CYFIP2: variants seen among roughly 807,000 people sequenced by gnomAD.
The protein encoded by CYFIP2 is cytoplasmic FMR1-interacting protein 2.
CYFIP2 carries 29 observed loss-of-function variants against 158.7 expected under a neutral mutation model. The ratio of observed to expected loss-of-function variants is 0.18; its 90% CI spans 0.14 to 0.25. The LOEUF (loss-of-function observed/expected upper bound fraction) is 0.25. Among genes scored for constraint, CYFIP2 ranks in the 10% least tolerant of loss-of-function variants. The pLI is 1.00. For missense variants in CYFIP2, 852 were observed against 1,639.5 expected (o/e 0.52, Z 8.29); for synonymous variants, 585 against 617.6 (o/e 0.95, Z 0.78).
Position 157,309,803 on chromosome 5 carries a change from A to C in CYFIP2, c.961A>C (p.Thr321Pro). The C allele has an allele frequency of 6.2e-7, 1 of 1,604,206 alleles. No homozygotes were observed. The highest frequency in any genetic ancestry group is 2.2e-5 in the East Asian group (1 of 44,490). ...GATAGAGCTGGCCAGATACATTAAGACCAGTGCTCACTATGAAGAGAACAA... is the reference window on the plus strand; with the variant it reads ...GATAGAGCTGGCCAGATACATTAAGCCCAGTGCTCACTATGAAGAGAACAA... ...MQIELARYIK[T>P]SAHYEENKSK... The change falls in exon 10 of 31, where the codon ACC (threonine) becomes CCC (proline). Residue 321 changes from threonine to proline, a missense_variant. Coordinates refer to ENST00000620254, the MANE Select transcript of CYFIP2 (RefSeq NM_001037333.3).
chr5:157,335,273 T>C (rs1260300452), intron 21 of CYFIP2, among the ~76,000 whole-genome samples: 1 of 152,116 alleles, frequency 6.6e-6, no homozygotes, highest in Non-Finnish European at 1.5e-5. Flanking sequence ...TTTTGTTTGT[T>C]TGTTTTTGTT....
At chr5:157,317,164 C>T (rs1581045236) in intron 13 of CYFIP2, among the ~76,000 whole-genome samples, 2 of 152,098 alleles carry the variant, frequency 1.3e-5, no homozygotes, top group South Asian at 2.1e-4. Context: ...TTCCCACAAC[C>T]TTATATCGTC....
chr5:157,389,725 C>T, intron 29 of CYFIP2: 2 of 273,048 alleles, frequency 7.3e-6, no homozygotes, highest in Non-Finnish European at 1.4e-5. Context: ...CACCCAGCTA[C>T]ATGTCTAGGA....
intron 6 of CYFIP2, 37 bp from the exon 7 acceptor site, chr5:157,302,757 A>G (rs1330986050): frequency 1.3e-6 from 2 of 1,530,478 alleles, no homozygotes; most frequent in Non-Finnish European, 1.8e-6. Flanking sequence ...TTGCACTTGG[A>G]CAGTCCTCTC....
intron 11 of CYFIP2, among the ~76,000 whole-genome samples, chr5:157,313,157 A>G (rs1451970818): frequency 1.3e-5 from 2 of 152,264 alleles, no homozygotes; most frequent in Middle Eastern, 3.2e-3. Flanking sequence ...GAAGTAGCAA[A>G]TACTGAATCA....
rs1335366357 is a variant in CYFIP2, at chr5:157,287,047, G to A, written c.146G>A (p.Arg49Lys). The A allele has an allele frequency of 1.9e-6, 3 of 1,613,430 alleles. No individual in the cohort carries two copies. Among genetic ancestry groups the A allele is most frequent in the Non-Finnish European group, 2.5e-6 (3 of 1,179,568 alleles). The change falls in exon 3 of 31, where the codon AGG becomes AAG. Residue 49 changes from arginine to lysine, a missense_variant. Transcript: ENST00000620254. ...QANFDTNFED[R>K]NAFVTGIARY... is the part of the protein sequence containing the mutation. ...AACTTTGACACAAACTTTGAGGACA[G>A]GAATGCATTTGTCACGGGCATTGCA...
intron 26 of CYFIP2, chr5:157,364,856 T>C (rs564079291): frequency 1.3e-5 from 2 of 151,918 alleles, no homozygotes; most frequent in South Asian, 2.1e-4. Context: ...AGATGCCTAA[T>C]GGCCATCATA....
At chr5:157,390,753 G>C (rs1767202028) in intron 30 of CYFIP2, 85 bp downstream of exon 30, 19 of 1,536,232 alleles carry the variant, frequency 1.2e-5, no homozygotes, top group Middle Eastern at 2.1e-4. Flanking sequence ...AGGAGGAGCT[G>C]CTTGTGAAGG....
At chr5:157,357,032 C>T (rs1763457696) in intron 23 of CYFIP2, among the ~76,000 whole-genome samples, 1 of 152,160 alleles carries the variant, frequency 6.6e-6, no homozygotes, top group African/African-American at 2.4e-5. Flanking sequence ...AAGTACCTCC[C>T]CTAGGTTCAG....
intron 3 of CYFIP2, among the ~76,000 whole-genome samples, chr5:157,291,053 A>G (rs1561695260): frequency 6.6e-6 from 1 of 152,168 alleles, no homozygotes; most frequent in Non-Finnish European, 1.5e-5. Flanking sequence ...TAGAAATGTA[A>G]AGGACCTTAG....
rs780964635 is a variant in CYFIP2, at chr5:157,311,519, G to A, written c.993-145G>A. 1.3e-4 allele frequency: 84 copies of A among 656,482 alleles called. No homozygotes were observed. Among genetic ancestry groups the A allele is most frequent in the Non-Finnish European group, 2.0e-4 (74 of 371,346 alleles). 40.7% of individuals were successfully genotyped at this position (656,482 alleles called of 1,614,324 possible). The stretch of plus-strand genomic sequence containing the variant: ...GCTCCCACAGTGTTGGACTTAGCAG[G>A]CTTTCTTGCTGAGGCGGCTGGGATA... On this transcript the variant is annotated intron_variant, in intron 10 of 30. Transcript: ENST00000620254. The surrounding 1 kb of genome is among the most constrained non-coding windows in gnomAD (Gnocchi z 4.7).
chr5:157,330,640 T>TG lies in CYFIP2; in HGVS notation c.2157-101dup, dbSNP rs1292813741. 6 of 846,586 alleles carry TG rather than the reference T, an allele frequency of 7.1e-6. No homozygotes were observed. In the African/African-American group the frequency reaches 1.0e-4, roughly 14 times the overall value. The allele number at this position is 846,586 out of a possible 1,614,324, so 52.4% of individuals were successfully genotyped here. On this transcript the variant is annotated intron_variant, in intron 19 of 30. Coordinates refer to ENST00000620254, the MANE Select transcript of CYFIP2 (RefSeq NM_001037333.3). ...ATTTTACTTAAGTTATATAAGATAG[T>TG]GCTCTGTGGGTAGATCCTATGATCT...
At chr5:157,291,852 T>C (rs1165632478) in intron 3 of CYFIP2, among the ~76,000 whole-genome samples, 1 of 152,276 alleles carries the variant, frequency 6.6e-6, no homozygotes, top group Non-Finnish European at 1.5e-5. Context: ...GTTCATTTTT[T>C]AATATAGATA....
At chr5:157,391,333 A>G (rs577134886) in intron 30 of CYFIP2, among the ~76,000 whole-genome samples, 13 of 152,378 alleles carry the variant, frequency 8.5e-5, no homozygotes, top group African/African-American at 2.9e-4. Flanking sequence ...GGTAATTTTC[A>G]GTATATGATT....
intron 1 of CYFIP2, among the ~76,000 whole-genome samples, chr5:157,277,863 G>A (rs1383351509): frequency 6.6e-6 from 1 of 152,126 alleles, no homozygotes; most frequent in Non-Finnish European, 1.5e-5. Flanking sequence ...AACCTGGATG[G>A]CATAGCCTAC....
chr5:157,367,305 A>C (rs1253608324), intron 26 of CYFIP2, among the ~76,000 whole-genome samples: 1 of 152,236 alleles, frequency 6.6e-6, no homozygotes, highest in Non-Finnish European at 1.5e-5. Context: ...TTCCAGTAGT[A>C]CCCTTCATTG....
At chr5:157,384,597 A>C in intron 28 of CYFIP2, 1 of 432,814 alleles carries the variant, frequency 2.3e-6, no homozygotes, top group Non-Finnish European at 4.8e-6. Context: ...AAGCCACCCC[A>C]GCCCGGCCCC....
rs7728438 is a variant in CYFIP2, at chr5:157,286,556, A to G, written c.118-463A>G. On this transcript the variant is annotated intron_variant, in intron 2 of 30. Coordinates refer to ENST00000620254, the MANE Select transcript of CYFIP2 (RefSeq NM_001037333.3). The stretch of plus-strand genomic sequence containing the variant: ...TTTATGGATATGCTATTTTATGTAT[A>G]TATATATATATATATATATATATTT... Among the ~76,000 whole-genome samples, 807 of 102,128 alleles carry G rather than the reference A, an allele frequency of 7.9e-3. 5 individuals carry two copies. Among genetic ancestry groups the G allele is most frequent in the African/African-American group, 0.027 (698 of 25,972 alleles). 67.0% of individuals were successfully genotyped at this position (102,128 alleles called of 152,430 possible).
intron 26 of CYFIP2, chr5:157,376,831 G>A (rs1396020329): frequency 8.9e-6 from 4 of 451,972 alleles, no homozygotes; most frequent in East Asian, 7.1e-5. Flanking sequence ...GATCTACTCT[G>A]CAGACTCTGC....
Sources: allele counts gnomAD v4.1 joint callset (sites outside exome capture counted in the v4.1 genomes callset), GRCh38; gene constraint gnomAD v4.1.1; non-coding constraint Gnocchi (gnomAD v3.1); transcripts MANE v1.5; gene names NCBI Gene and HGNC (gene_info 2026-07-23, HGNC 2026-07-21).